The following KHDC1 variants were observed in gnomAD, a reference collection of about 807,000 sequenced individuals.
KHDC1 encodes the protein KH homology domain-containing protein 1.
Under a neutral mutation model 24.7 loss-of-function variants are expected in KHDC1, and 21 were observed. That is an observed-to-expected ratio of 0.85 (90% CI 0.60 to 1.23). The LOEUF is 1.23. Among genes scored for constraint, KHDC1 ranks in the 50% most tolerant of loss-of-function variants. KHDC1 has a pLI of 0.00. For missense variants in KHDC1, 274 were observed against 298.5 expected, an observed-to-expected ratio of 0.92 and a Z score of 0.61; for synonymous variants, 98 against 111.7, an observed-to-expected ratio of 0.88 and a Z score of 0.77.
chr6:73,307,987 C>A (rs1246371161), intron 1 of KHDC1, among the ~76,000 whole-genome samples: 4 of 151,964 alleles, frequency 2.6e-5, no homozygotes, highest in Admixed American at 2.6e-4. Flanking sequence ...ACTGCAACCT[C>A]TGCCTCCCGG....
intron 2 of KHDC1, 71 bp from the exon 2 acceptor site, chr6:73,242,601 G>C (rs1766595227): frequency 1.3e-6 from 2 of 1,599,900 alleles, no homozygotes; most frequent in Non-Finnish European, 1.7e-6. Flanking sequence ...GAGGGCCTAG[G>C]CTCTGTCCTT....
At chr6:73,268,807 TC>T (rs1341427254) in intron 2 of KHDC1, 2 of 152,838 alleles carry the variant, frequency 1.3e-5, no homozygotes, top group African/African-American at 2.4e-5. Context: ...CCAGCTGGCT[TC>T]GCCTAGTGGA....
At chr6:73,245,462 T>C (rs1180232270) in intron 2 of KHDC1, among the ~76,000 whole-genome samples, 2 of 152,196 alleles carry the variant, frequency 1.3e-5, no homozygotes, top group East Asian at 3.8e-4. Flanking sequence ...CTTTGTAGTA[T>C]TTAGAAACAT....
intron 1 of KHDC1, chr6:73,292,980 T>C: frequency 2.1e-6 from 2 of 936,190 alleles, no homozygotes. Context: ...TTCTGTCACA[T>C]CCACCAGTGT....
At chr6:73,285,794 C>T (rs1161459094) in intron 2 of KHDC1, among the ~76,000 whole-genome samples, 3 of 152,036 alleles carry the variant, frequency 2.0e-5, no homozygotes, top group Non-Finnish European at 4.4e-5. Flanking sequence ...CCAATGCTAT[C>T]CCTCCCCCAT....
rs896209060 is a variant in KHDC1, at chr6:73,244,986, A to C, written c.207-2456T>G. Among the ~76,000 whole-genome samples, 3 of 152,164 alleles carry C rather than the reference A, an allele frequency of 2.0e-5. No individual in the cohort carries two copies. In the East Asian group the frequency reaches 5.8e-4, roughly 29 times the overall value. On this transcript the variant is annotated intron_variant, in intron 2 of 4. Transcript: ENST00000370384. ...ATAGTCTGCGAAAAAAGCACAAGAA[A>C]GTTTTGCCTTTCCTTAGGTGGCACG...
chr6:73,261,703 G>A (rs1244544081), intron 2 of KHDC1, among the ~76,000 whole-genome samples: 1 of 151,980 alleles, frequency 6.6e-6, no homozygotes, highest in Non-Finnish European at 1.5e-5. Context: ...CATGAGGTCA[G>A]GAGTTTGAAA....
chr6:73,241,721 C>T (rs751917883), exon 5 of KHDC1: 2 of 1,614,142 alleles, frequency 1.2e-6, no homozygotes, highest in Non-Finnish European at 1.7e-6. Context: ...GTTCCAGCAT[C>T]TCCAGGCCTG....
At chr6:73,271,298 C>A (rs1767175596) in intron 2 of KHDC1, among the ~76,000 whole-genome samples, 1 of 151,818 alleles carries the variant, frequency 6.6e-6, no homozygotes, top group Admixed American at 6.6e-5. Flanking sequence ...ACCACCTCCG[C>A]CCTCTGGGTC....
chr6:73,288,966 A>G (rs536378396), intron 2 of KHDC1, among the ~76,000 whole-genome samples: 12 of 152,316 alleles, frequency 7.9e-5, no homozygotes, highest in African/African-American at 2.9e-4. Context: ...CATTTCTTGC[A>G]TATCAGAGAC....
At chr6:73,256,390 T>C (rs1489310504) in intron 2 of KHDC1, among the ~76,000 whole-genome samples, 2 of 152,196 alleles carry the variant, frequency 1.3e-5, no homozygotes, top group Admixed American at 6.5e-5. Flanking sequence ...CCATTATGTG[T>C]AGACAATTTT....
At chr6:73,249,571 T>G (rs936785692) in intron 2 of KHDC1, among the ~76,000 whole-genome samples, 2 of 152,090 alleles carry the variant, frequency 1.3e-5, no homozygotes, top group Admixed American at 6.6e-5. Flanking sequence ...ATGGAGTAAG[T>G]AATCATCTTT....
At chr6:73,262,101 T>C (rs1766992042) in intron 2 of KHDC1, among the ~76,000 whole-genome samples, 1 of 151,804 alleles carries the variant, frequency 6.6e-6, no homozygotes, top group Admixed American at 6.6e-5. Flanking sequence ...GCATAGACTC[T>C]AGGGCCAAAT....
intron 2 of KHDC1, among the ~76,000 whole-genome samples, chr6:73,260,683 C>CCTGATTTA (rs879557264): frequency 3.3e-5 from 5 of 152,124 alleles, no homozygotes; most frequent in Non-Finnish European, 7.4e-5. Flanking sequence ...CAGTGGCTAT[C>CCTGATTTA]CTGATTTATA....
At chr6:73,256,418 C>G (rs1309426190) in intron 2 of KHDC1, among the ~76,000 whole-genome samples, 4 of 152,104 alleles carry the variant, frequency 2.6e-5, no homozygotes, top group Non-Finnish European at 5.9e-5. Context: ...AGTCTGTGAA[C>G]AATCTGAACT....
intron 2 of KHDC1, among the ~76,000 whole-genome samples, chr6:73,260,142 T>A (rs1318079747): frequency 3.3e-5 from 5 of 152,228 alleles, no homozygotes; most frequent in Non-Finnish European, 7.3e-5. Flanking sequence ...ATTGTGCCTT[T>A]ATGCCTTCAA....
intron 1 of KHDC1, among the ~76,000 whole-genome samples, chr6:73,296,991 C>T (rs988720330): frequency 6.6e-6 from 1 of 152,136 alleles, no homozygotes; most frequent in Non-Finnish European, 1.5e-5. Flanking sequence ...ACCTCTGCCT[C>T]CTGAGTTCAA....
chr6:73,284,617 T>TA (rs1204058537), intron 2 of KHDC1: 2 of 152,086 alleles, frequency 1.3e-5, no homozygotes, highest in Non-Finnish European at 2.9e-5. Context: ...ATTTCTTTAC[T>TA]ACCACAATGC....
chr6:73,305,480 G>C (rs1041081484), intron 1 of KHDC1, among the ~76,000 whole-genome samples: 1 of 152,036 alleles, frequency 6.6e-6, no homozygotes, highest in Non-Finnish European at 1.5e-5. Flanking sequence ...ATTCAAGGCA[G>C]TAATCAGAGA....
Sources: allele counts gnomAD v4.1 joint callset (sites outside exome capture counted in the v4.1 genomes callset), GRCh38; gene constraint gnomAD v4.1.1; transcripts MANE v1.5; gene names NCBI Gene and HGNC (gene_info 2026-07-23, HGNC 2026-07-21).